KIF4A: variants seen among roughly 807,000 people sequenced by gnomAD.
The protein encoded by KIF4A is kinesin family member 4A, also known as chromosome-associated kinesin KIF4A.
Under a neutral mutation model 105.9 loss-of-function variants are expected in KIF4A, and 7 were observed. The observed-to-expected ratio is 0.07, with a 90% CI of 0.04 to 0.12. The LOEUF (loss-of-function observed/expected upper bound fraction) is 0.12. KIF4A is among the 10% of genes least tolerant of loss of function. The probability of loss-of-function intolerance (pLI) is 1.00; values close to 1 mark genes in which losing one functional copy is unlikely to be tolerated. For synonymous variants in KIF4A, 281 were observed against 331.3 expected (o/e 0.85, Z 1.65); for missense variants, 558 against 929.2 (o/e 0.60, Z 5.19).
chrX:70,381,425 T>A (rs749078894), intron 18 of KIF4A, among the ~76,000 whole-genome samples: 1 of 110,833 alleles, frequency 9.0e-6, no homozygotes, highest in East Asian at 2.9e-4. Context: ...TAATCGCAGC[T>A]ACTTAGGAGG....
chrX:70,357,815 A>C (rs2086058056), intron 15 of KIF4A, among the ~76,000 whole-genome samples: 1 of 111,177 alleles, frequency 9.0e-6, no homozygotes, highest in Non-Finnish European at 1.9e-5. Context: ...TTTACTTTGG[A>C]AACTTTCAGG....
At position 70,302,299 on chromosome X, in the gene KIF4A, C is replaced by T; in HGVS notation, c.684-5C>T. On this transcript the variant is annotated splice_region_variant and splice_polypyrimidine_tract_variant and intron_variant, in intron 6 of 30. Coordinates refer to ENST00000374403, the MANE Select transcript of KIF4A (RefSeq NM_012310.5). ...TCTCACTGTGTCTTCCTTTCATTAT[C>T]ACAGGAATAGCAGCTTTCGCTCCAA... 8.3e-7 allele frequency: 1 copy of T among 1,209,150 alleles called. No individual in the cohort carries two copies. Among genetic ancestry groups the T allele is most frequent in the Non-Finnish European group, 1.1e-6 (1 of 893,686 alleles).
chrX:70,389,206 T>C (rs1314484540), intron 20 of KIF4A, among the ~76,000 whole-genome samples: 1 of 111,301 alleles, frequency 9.0e-6, no homozygotes, highest in Non-Finnish European at 1.9e-5. Context: ...CAGCAAGCCA[T>C]GATCGCACCA....
intron 15 of KIF4A, among the ~76,000 whole-genome samples, chrX:70,372,710 G>A (rs1043808900): frequency 8.9e-6 from 1 of 112,521 alleles, no homozygotes; most frequent in Admixed American, 9.3e-5. Context: ...GCTAGACTTC[G>A]TTTTCCAAAT....
At chrX:70,296,973 A>G (rs1449433517) in intron 3 of KIF4A, 25 bp from the exon 4 acceptor site, 1 of 1,192,021 alleles carries the variant, frequency 8.4e-7, no homozygotes, top group Non-Finnish European at 1.1e-6. Context: ...AAACACCACT[A>G]TGCATGTGAC....
intron 18 of KIF4A, 94 bp downstream of exon 18, chrX:70,376,304 C>A: frequency 2.1e-6 from 1 of 485,135 alleles, no homozygotes; most frequent in South Asian, 3.8e-5. Context: ...CCTCGTGTCT[C>A]CAAAAGTGTG....
chrX:70,359,509 T>A (rs112875564), intron 15 of KIF4A, among the ~76,000 whole-genome samples: 3,903 of 96,436 alleles, frequency 0.04, 74 homozygotes, highest in Non-Finnish European at 0.053. Context: ...TCTCACATTT[T>A]AAAAAAAAAA....
At chrX:70,387,856 A>G (rs1421540389) in intron 20 of KIF4A, among the ~76,000 whole-genome samples, 1 of 111,298 alleles carries the variant, frequency 9.0e-6, no homozygotes, top group Non-Finnish European at 1.9e-5. Context: ...TGACAGTGAA[A>G]CTCTGTCTCA....
chrX:70,338,198 G>C (rs748600041), intron 10 of KIF4A, among the ~76,000 whole-genome samples: 3 of 111,224 alleles, frequency 2.7e-5, no homozygotes, highest in African/African-American at 9.8e-5. Context: ...CATTTTATGT[G>C]TACCATTCAA....
intron 18 of KIF4A, among the ~76,000 whole-genome samples, chrX:70,377,677 T>C (rs1295402860): frequency 8.9e-6 from 1 of 112,668 alleles, no homozygotes; most frequent in African/African-American, 3.2e-5. Flanking sequence ...GGCTCACTCC[T>C]GTAATCCCAA....
intron 9 of KIF4A, among the ~76,000 whole-genome samples, chrX:70,333,320 CAAA>C (rs1196392295): frequency 1.3e-4 from 6 of 47,717 alleles, no homozygotes; most frequent in African/African-American, 2.4e-4. Flanking sequence ...ACTCTGTCTC[CAAA>C]AAAAAAAAAA....
At chrX:70,392,817 A>G (rs1257776953) in intron 20 of KIF4A, among the ~76,000 whole-genome samples, 7 of 106,879 alleles carry the variant, frequency 6.5e-5, no homozygotes, top group Admixed American at 6.1e-4. Flanking sequence ...CTCCCAATTC[A>G]TTAATTTCCA....
intron 13 of KIF4A, 52 bp downstream of exon 13, chrX:70,344,034 C>T: frequency 1.1e-6 from 1 of 910,913 alleles, no homozygotes; most frequent in South Asian, 2.1e-5. Flanking sequence ...ATTTGTTTCT[C>T]TTGACACATA....
intron 28 of KIF4A, among the ~76,000 whole-genome samples, chrX:70,412,602 T>C (rs1233363177): frequency 6.3e-5 from 7 of 111,585 alleles, no homozygotes; most frequent in Non-Finnish European, 1.3e-4. Context: ...GTTATGATAA[T>C]GTCTAGCGTT....
intron 30 of KIF4A, 116 bp from the exon 31 acceptor site, chrX:70,419,946 G>T: frequency 2.0e-6 from 2 of 992,941 alleles, no homozygotes; most frequent in Non-Finnish European, 1.4e-6. Flanking sequence ...TCCATAGAAT[G>T]ATCTTAAAGA....
intron 15 of KIF4A, among the ~76,000 whole-genome samples, chrX:70,367,774 T>A (rs1197207479): frequency 9.0e-6 from 1 of 111,475 alleles, no homozygotes; most frequent in African/African-American, 3.3e-5. Flanking sequence ...GTTCTCTGTA[T>A]TTCCTGAATC....
intron 15 of KIF4A, among the ~76,000 whole-genome samples, chrX:70,370,459 GATAA>G (rs1409887807): frequency 9.4e-6 from 1 of 106,194 alleles, no homozygotes; most frequent in Non-Finnish European, 1.9e-5. Flanking sequence ...TATAAGTATA[GATAA>G]ATATAGAATA....
At chrX:70,377,424 A>C (rs2086179220) in intron 18 of KIF4A, among the ~76,000 whole-genome samples, 1 of 111,704 alleles carries the variant, frequency 9.0e-6, no homozygotes, top group Non-Finnish European at 1.9e-5. Context: ...AGGATATTGA[A>C]GACTTCAACA....
Position 70,387,169 on chromosome X carries a change from G to A in KIF4A, c.2119-15G>A. 9.3e-7 allele frequency: 1 copy of A among 1,070,103 alleles called. No homozygotes were observed. The highest frequency in any genetic ancestry group is 1.3e-6 in the Non-Finnish European group (1 of 788,067). The allele number at this position is 1,070,103 out of a possible 1,213,427, so 88.2% of individuals were successfully genotyped here. A position where few individuals can be genotyped will look rare whatever the true frequency, so the allele number is the denominator to read the frequency against. On this transcript the variant is annotated splice_polypyrimidine_tract_variant and intron_variant, in intron 19 of 30. Coordinates refer to ENST00000374403, the MANE Select transcript of KIF4A (RefSeq NM_012310.5). ...TACCATTCATTCAACATTACTATGT[G>A]CCAATTTTATTTAGGCAGCAGCTGC... is the stretch of plus-strand genomic sequence containing the variant.
Sources: allele counts gnomAD v4.1 joint callset (sites outside exome capture counted in the v4.1 genomes callset), GRCh38; gene constraint gnomAD v4.1.1; transcripts MANE v1.5; gene names NCBI Gene and HGNC (gene_info 2026-07-23, HGNC 2026-07-21).